The following HECTD2 variants were observed in gnomAD, a reference collection of about 807,000 sequenced individuals.
The protein encoded by HECTD2 is probable E3 ubiquitin-protein ligase HECTD2.
Under a neutral mutation model 103.2 loss-of-function variants are expected in HECTD2, and 35 were observed. That is an observed-to-expected ratio of 0.34 (90% CI 0.26 to 0.45). The LOEUF (loss-of-function observed/expected upper bound fraction) is 0.45, where lower values mean the gene tolerates loss of function less well. Ranked by LOEUF, HECTD2 falls within the 20% of genes least tolerant of loss-of-function variation. The pLI is 1.00. For synonymous variants in HECTD2, 281 were observed against 329.9 expected (o/e 0.85, Z 1.61); for missense variants, 596 against 937.4 (o/e 0.64, Z 4.76).
In HECTD2 at chr10:91,491,239, G is replaced by A. The variant is rs149760758; in HGVS notation, c.1231G>A (p.Asp411Asn). ...TAAAGTATCTCGAAGACAGAGACCT[G>A]ATATGAATATATTATTTCTAAATAT... ...VDKVSRRQRP[D>N]MNILFLNMKV... Residue 411 changes from aspartate (D) to asparagine (N), a missense_variant, in exon 12 of 21, where the codon GAT (aspartate) becomes AAT (asparagine). This residue lies in a region of HECTD2 where 303 missense variants were observed against 522.5 expected (regional missense o/e 0.58). Transcript: ENST00000298068. 1.8e-4 allele frequency: 293 copies of A among 1,584,896 alleles called. No homozygotes were observed. Among genetic ancestry groups the A allele is most frequent in the Non-Finnish European group, 2.3e-4 (266 of 1,158,994 alleles).
chr10:91,494,658 C>T (rs1227220119), intron 14 of HECTD2, among the ~76,000 whole-genome samples: 4 of 152,058 alleles, frequency 2.6e-5, no homozygotes, highest in African/African-American at 7.2e-5. Flanking sequence ...GTCTAAAGGT[C>T]CAAAGTGCTA....
chr10:91,431,491 A>C (rs1405431030), intron 2 of HECTD2, among the ~76,000 whole-genome samples: 1 of 152,004 alleles, frequency 6.6e-6, no homozygotes, highest in Non-Finnish European at 1.5e-5. Context: ...ACTTGGTTCC[A>C]TTCTCCCCGT....
chr10:91,505,097 T>C (rs1413653471), intron 20 of HECTD2, among the ~76,000 whole-genome samples: 2 of 151,850 alleles, frequency 1.3e-5, no homozygotes, highest in East Asian at 3.9e-4. Flanking sequence ...CCACCAGGCC[T>C]GCCCTAAAAG....
chr10:91,455,062 T>C (rs1193414604), intron 2 of HECTD2, among the ~76,000 whole-genome samples: 1 of 152,210 alleles, frequency 6.6e-6, no homozygotes, highest in East Asian at 1.9e-4. Context: ...CAGCATGATT[T>C]AAAATCCTTT....
chr10:91,514,658 G>A lies in HECTD2; in HGVS notation c.*2274G>A, dbSNP rs990859308. ...TCTTTGCTTAGTCAGTCATATTTTT[G>A]TCTGTATGATTAGAAGTTTTTACGT... On this transcript the variant is annotated 3_prime_UTR_variant, in exon 21 of 21. Transcript: ENST00000298068. 2 of 152,390 alleles carry A rather than the reference G, an allele frequency of 1.3e-5. No homozygotes were observed. The highest frequency in any genetic ancestry group is 2.9e-5 in the Non-Finnish European group (2 of 67,972). The allele number at this position is 152,390 out of a possible 1,614,324, so 9.4% of individuals were successfully genotyped here. A position where few individuals can be genotyped will look rare whatever the true frequency, so the allele number is the denominator to read the frequency against.
chr10:91,453,722 TG>T (rs748503667), intron 2 of HECTD2, among the ~76,000 whole-genome samples: 86 of 152,208 alleles, frequency 5.7e-4, no homozygotes, highest in Middle Eastern at 6.8e-3. Context: ...TAAATGTAAA[TG>T]GTCTAAATAA....
chr10:91,479,682 T>C (rs1846025001), intron 6 of HECTD2, among the ~76,000 whole-genome samples: 1 of 152,184 alleles, frequency 6.6e-6, no homozygotes, highest in African/African-American at 2.4e-5. Flanking sequence ...ATGTAAAAAT[T>C]TTTTTAGAAA....
At position 91,419,990 on chromosome 10, in the gene HECTD2, C is replaced by T. The variant is rs1843286088; in HGVS notation, c.139-5291C>T. Reference sequence around the variant, plus strand: ...GGAGTTTGGTGTCGTATTAAATACCCAGTAACTTCTTGATTTGATTCTCTA... The same window carrying T: ...GGAGTTTGGTGTCGTATTAAATACCTAGTAACTTCTTGATTTGATTCTCTA... On this transcript the variant is annotated intron_variant, in intron 1 of 20. Transcript: ENST00000298068. Among the ~76,000 whole-genome samples the T allele has an allele frequency of 2.0e-5, 3 of 152,126 alleles. No individual in the cohort carries two copies. In the South Asian group the frequency reaches 6.2e-4, roughly 32 times the overall value.
chr10:91,443,606 G>A lies in HECTD2; in HGVS notation c.269-16821G>A, dbSNP rs1010724355. 9.9e-5 allele frequency among the ~76,000 whole-genome samples: 15 copies of A among 152,188 alleles called. No homozygotes were observed. In the East Asian group the frequency reaches 1.3e-3, roughly 14 times the overall value. The stretch of plus-strand genomic sequence containing the variant: ...GTCTGTCCCTTAGCAGAGCTTGAGC[G>A]CTGTGCTGGGAGATCCTCCTGCTCT... On this transcript the variant is annotated intron_variant, in intron 2 of 20. Coordinates refer to ENST00000298068, the MANE Select transcript of HECTD2 (RefSeq NM_182765.6).
At position 91,514,063 on chromosome 10, in the gene HECTD2, TTC is replaced by T. The variant is rs1847523654; in HGVS notation, c.*1685_*1686del. 6.6e-6 allele frequency: 1 copy of T among 152,666 alleles called. No individual in the cohort carries two copies. Among genetic ancestry groups the T allele is most frequent in the African/African-American group, 2.4e-5 (1 of 41,468 alleles). 9.5% of individuals were successfully genotyped at this position (152,666 alleles called of 1,614,324 possible). A position where few individuals can be genotyped will look rare whatever the true frequency, so the allele number is the denominator to read the frequency against. ...TAAATCCATATGCAAATAAAACTGC[TTC>T]TCTCTTACACTGCTTGAACTAGAAA... On this transcript the variant is annotated 3_prime_UTR_variant, in exon 21 of 21. Coordinates refer to ENST00000298068, the MANE Select transcript of HECTD2 (RefSeq NM_182765.6).
At chr10:91,470,717 C>A (rs1030880371) in intron 5 of HECTD2, among the ~76,000 whole-genome samples, 2 of 151,792 alleles carry the variant, frequency 1.3e-5, no homozygotes, top group African/African-American at 4.8e-5. Context: ...AGTTCCATCC[C>A]AAGATGGAAC....
intron 5 of HECTD2, among the ~76,000 whole-genome samples, chr10:91,473,716 T>C (rs1295824295): frequency 6.6e-6 from 1 of 152,186 alleles, no homozygotes; most frequent in Admixed American, 6.5e-5. Flanking sequence ...AGTAGATATA[T>C]TTTCTCGTGA....
intron 10 of HECTD2, chr10:91,485,805 T>G (rs150961470): frequency 2.9e-4 from 44 of 152,674 alleles, no homozygotes; most frequent in Non-Finnish European, 1.6e-4. Flanking sequence ...TGATCTAATA[T>G]ATTGATCACA....
chr10:91,473,120 CAG>C (rs1476469488), intron 5 of HECTD2, among the ~76,000 whole-genome samples: 1 of 151,944 alleles, frequency 6.6e-6, no homozygotes, highest in African/African-American at 2.4e-5. Context: ...CCACAAATAA[CAG>C]GGGAAACAAA....
At position 91,487,599 on chromosome 10, in the gene HECTD2, A is replaced by G. The variant is rs778220903; in HGVS notation, c.1095-83A>G. 6 of 838,528 alleles carry G rather than the reference A, an allele frequency of 7.2e-6. No individual in the cohort carries two copies. The highest frequency in any genetic ancestry group is 3.3e-5 in the African/African-American group (2 of 60,084). The allele number at this position is 838,528 out of a possible 1,614,324, so 51.9% of individuals were successfully genotyped here. ...TCCAAAAGTAATGTTTTATATTGCT[A>G]CAAGGGGTACCTTAGATTCCCTTAG... On this transcript the variant is annotated intron_variant, in intron 10 of 20. Coordinates refer to ENST00000298068, the MANE Select transcript of HECTD2 (RefSeq NM_182765.6). The surrounding 1 kb of genome is among the most constrained non-coding windows in gnomAD (Gnocchi z 4.1).
At chr10:91,473,136 T>C (rs538958237) in intron 5 of HECTD2, among the ~76,000 whole-genome samples, 63 of 152,156 alleles carry the variant, frequency 4.1e-4, no homozygotes, top group African/African-American at 1.4e-3. Flanking sequence ...AAACAAAATA[T>C]ATACTAAGCA....
rs1847490706 is a variant in HECTD2 at position 91,513,348 on chromosome 10, C to CTAAT, written c.*966_*969dup. On this transcript the variant is annotated 3_prime_UTR_variant, in exon 21 of 21. Transcript: ENST00000298068. Reference sequence around the variant, plus strand: ...TTTGATCACCAGTTGTACCAAAACACTAATTTTTGAAAAAGATAGGTTAAA... The same window carrying CTAAT: ...TTTGATCACCAGTTGTACCAAAACACTAATTAATTTTTGAAAAAGATAGGTTAAA... 1 of 152,470 alleles carries CTAAT rather than the reference C, an allele frequency of 6.6e-6. No homozygotes were observed. The highest frequency in any genetic ancestry group is 1.9e-4 in the East Asian group (1 of 5,194). The allele number at this position is 152,470 out of a possible 1,614,324, so 9.4% of individuals were successfully genotyped here.
chr10:91,509,128 G>A (rs1847318707), intron 20 of HECTD2, among the ~76,000 whole-genome samples: 1 of 115,252 alleles, frequency 8.7e-6, no homozygotes, highest in Admixed American at 1.1e-4. Flanking sequence ...CTGTTGTGGG[G>A]TGGGGGGAGG....
rs61754653 is a variant in HECTD2, at chr10:91,498,116, C to G, written c.1689C>G (p.Ala563=). Residue 563 remains alanine, a synonymous_variant, in exon 16 of 21, where the codon GCC becomes GCG. Transcript: ENST00000298068. ...DDLCQIMPEL[A]HGLSELLSHE... ...CAGATTTCTTTTTATAGGAGTTGGC[C>G]CATGGATTAAGTGAACTCTTATCAC... 1,096 of 1,606,814 alleles carry G rather than the reference C, an allele frequency of 6.8e-4. 3 individuals are homozygous for G. In the African/African-American group the frequency reaches 0.012, roughly 18 times the overall value.
Sources: gnomAD v4.1 joint callset for allele counts (sites outside exome capture counted in the v4.1 genomes callset) on GRCh38, gnomAD v4.1.1 for gene constraint, gnomAD v4.1.1 regional missense constraint, Gnocchi (gnomAD v3.1) non-coding constraint, MANE v1.5 for transcripts, NCBI Gene and HGNC (gene_info 2026-07-23, HGNC 2026-07-21) for gene names.